Variants in CLSTN2 observed in about 807,000 individuals in gnomAD.
CLSTN2 encodes the protein calsyntenin 2.
CLSTN2 carries 48 observed loss-of-function variants against 101.2 expected under a neutral mutation model. The observed-to-expected ratio is 0.47, with a 90% CI of 0.38 to 0.60. The LOEUF is 0.60. Ranked by LOEUF, CLSTN2 falls within the 20% of genes least tolerant of loss-of-function variation. CLSTN2 has a pLI of 0.00. For synonymous variants in CLSTN2, 481 were observed against 463.6 expected, an observed-to-expected ratio of 1.04 and a Z score of -0.48; for missense variants, 1,160 against 1,238.2, an observed-to-expected ratio of 0.94 and a Z score of 0.95.
At chr3:140,096,651 A>C (rs1213522648) in intron 1 of CLSTN2, among the ~76,000 whole-genome samples, 1 of 152,188 alleles carries the variant, frequency 6.6e-6, no homozygotes, top group Non-Finnish European at 1.5e-5. Context: ...TTCACTGCAG[A>C]TAGAGATCCA....
chr3:140,175,523 T>C lies in CLSTN2; in HGVS notation c.110-428T>C, dbSNP rs185599858. On this transcript the variant is annotated intron_variant, in intron 1 of 16. Transcript: ENST00000458420. ...AGGTCAGAAAGCTGAGCATACATAG[T>C]AGTAACTGCTAGTTTATTGAGTGAC... Among the ~76,000 whole-genome samples the C allele has an allele frequency of 5.9e-5, 9 of 152,330 alleles. No homozygotes were observed. The East Asian group carries it at 1.5e-3, about 26-fold the overall frequency.
intron 8 of CLSTN2, among the ~76,000 whole-genome samples, chr3:140,468,717 G>C (rs115416613): frequency 0.014 from 2,205 of 152,254 alleles, 114 homozygotes; most frequent in East Asian, 0.14. Context: ...CATTATGCCC[G>C]GCTGCTGCTT....
At chr3:140,187,683 G>A (rs2010502705) in intron 2 of CLSTN2, among the ~76,000 whole-genome samples, 1 of 152,088 alleles carries the variant, frequency 6.6e-6, no homozygotes, top group Admixed American at 6.6e-5. Context: ...CATGTGTAGT[G>A]CTTTTCTTTT....
chr3:140,113,817 C>T (rs1484747182), intron 1 of CLSTN2, among the ~76,000 whole-genome samples: 1 of 152,094 alleles, frequency 6.6e-6, no homozygotes, highest in Non-Finnish European at 1.5e-5. Context: ...CAAAAAGATC[C>T]ATTTTAAACA....
intron 8 of CLSTN2, among the ~76,000 whole-genome samples, chr3:140,525,200 G>C (rs1289010837): frequency 6.6e-6 from 1 of 152,142 alleles, no homozygotes; most frequent in Non-Finnish European, 1.5e-5. Flanking sequence ...TTGAGCGCTA[G>C]CTAGATTAAC....
intron 1 of CLSTN2, among the ~76,000 whole-genome samples, chr3:140,169,238 A>AT (rs1322904553): frequency 1.3e-5 from 2 of 152,050 alleles, no homozygotes; most frequent in Non-Finnish European, 2.9e-5. Flanking sequence ...GCTAAGTTTC[A>AT]TGTTTTTGAT....
At chr3:140,153,981 G>A (rs1049010310) in intron 1 of CLSTN2, among the ~76,000 whole-genome samples, 2 of 152,128 alleles carry the variant, frequency 1.3e-5, no homozygotes, top group Admixed American at 1.3e-4. Flanking sequence ...TGCCATTTCC[G>A]GGCACTGTCT....
chr3:140,160,556 C>T (rs964917815), intron 1 of CLSTN2, among the ~76,000 whole-genome samples: 2 of 152,124 alleles, frequency 1.3e-5, no homozygotes, highest in Non-Finnish European at 2.9e-5. Flanking sequence ...TCATTCCATG[C>T]TGGACTGTTC....
At chr3:140,017,048 C>T (rs2007216990) in intron 1 of CLSTN2, among the ~76,000 whole-genome samples, 1 of 152,086 alleles carries the variant, frequency 6.6e-6, no homozygotes, top group Admixed American at 6.5e-5. Flanking sequence ...CAGGGAGTAC[C>T]ACAGGCAGTT....
At chr3:140,362,318 A>C (rs1051540643) in intron 2 of CLSTN2, among the ~76,000 whole-genome samples, 1 of 152,212 alleles carries the variant, frequency 6.6e-6, no homozygotes, top group South Asian at 2.1e-4. Context: ...AAAATGGATC[A>C]TTAATTAACT....
chr3:140,551,441 C>T (rs1318915719), intron 10 of CLSTN2, among the ~76,000 whole-genome samples: 1 of 151,848 alleles, frequency 6.6e-6, no homozygotes, highest in Non-Finnish European at 1.5e-5. Context: ...TGTGGAATCA[C>T]CACATTCCTG....
At chr3:140,214,121 T>C (rs950648793) in intron 2 of CLSTN2, among the ~76,000 whole-genome samples, 11 of 151,986 alleles carry the variant, frequency 7.2e-5, no homozygotes, top group African/African-American at 2.7e-4. Context: ...GATAGGGTTA[T>C]CCGAGCCTCA....
At chr3:140,413,889 G>C (rs2088395664) in intron 4 of CLSTN2, among the ~76,000 whole-genome samples, 1 of 151,974 alleles carries the variant, frequency 6.6e-6, no homozygotes, top group African/African-American at 2.4e-5. Context: ...TGTATAGAAG[G>C]AATGTCTTCA....
At chr3:140,299,597 T>C (rs1049291814) in intron 2 of CLSTN2, among the ~76,000 whole-genome samples, 2 of 152,146 alleles carry the variant, frequency 1.3e-5, no homozygotes, top group Non-Finnish European at 2.9e-5. Flanking sequence ...TAGAAGCCCT[T>C]AATTGTCTTC....
chr3:140,129,580 A>G (rs904016960), intron 1 of CLSTN2, among the ~76,000 whole-genome samples: 1 of 152,174 alleles, frequency 6.6e-6, no homozygotes, highest in African/African-American at 2.4e-5. Flanking sequence ...TGATGTTCTC[A>G]TTATTAGATG....
chr3:140,447,807 GA>G (rs1933121325), intron 5 of CLSTN2, among the ~76,000 whole-genome samples: 1 of 152,036 alleles, frequency 6.6e-6, no homozygotes. Context: ...TGGCACATTA[GA>G]AAAAAAGGAG....
intron 1 of CLSTN2, among the ~76,000 whole-genome samples, chr3:140,120,131 G>A (rs1420103633): frequency 6.6e-6 from 1 of 152,096 alleles, no homozygotes; most frequent in Non-Finnish European, 1.5e-5. Context: ...AAATCCCATA[G>A]GTTGGGGCTT....
rs2087015554 is a variant in CLSTN2 at position 140,297,598 on chromosome 3, C to A, written c.233-106031C>A. On this transcript the variant is annotated intron_variant, in intron 2 of 16. Transcript: ENST00000458420. Reference sequence around the variant, plus strand: ...AACCAGTCTCCTGAAAGGCTAGAGTCCTTTTCTAAATTAGGAGTTAAAAAT... The same window carrying A: ...AACCAGTCTCCTGAAAGGCTAGAGTACTTTTCTAAATTAGGAGTTAAAAAT... 2.6e-5 allele frequency among the ~76,000 whole-genome samples: 4 copies of A among 152,078 alleles called. No individual in the cohort carries two copies. The South Asian group carries it at 8.3e-4, about 32-fold the overall frequency.
intron 1 of CLSTN2, among the ~76,000 whole-genome samples, chr3:140,015,518 A>T (rs1420382545): frequency 6.6e-6 from 1 of 152,176 alleles, no homozygotes; most frequent in East Asian, 1.9e-4. Context: ...GGATTTCCTG[A>T]CAGATTGGAT....
Sources: gnomAD v4.1 joint callset for allele counts (sites outside exome capture counted in the v4.1 genomes callset) on GRCh38, gnomAD v4.1.1 for gene constraint, MANE v1.5 for transcripts, NCBI Gene and HGNC (gene_info 2026-07-23, HGNC 2026-07-21) for gene names.